The following TNFSF8 variants were observed in gnomAD, a reference collection of about 807,000 sequenced individuals.
TNFSF8 encodes TNF superfamily member 8.
Under a neutral mutation model 22.0 loss-of-function variants are expected in TNFSF8, and 4 were observed. The ratio of observed to expected loss-of-function variants is 0.18; its 90% CI spans 0.09 to 0.42. TNFSF8 has a LOEUF of 0.42. Ranked by LOEUF, TNFSF8 falls within the 10% of genes least tolerant of loss-of-function variation. TNFSF8 has a pLI of 1.00. For missense variants in TNFSF8, 233 were observed against 281.8 expected (o/e 0.83, Z 1.24); for synonymous variants, 106 against 112.5 (o/e 0.94, Z 0.37).
chr9:114,930,576 C>T lies in TNFSF8; in HGVS notation c.-273G>A, dbSNP rs1828129552. The T allele has an allele frequency of 2.2e-5, 7 of 314,814 alleles. No homozygotes were observed. Among genetic ancestry groups the T allele is most frequent in the East Asian group, 1.1e-4 (2 of 18,440 alleles). The allele number at this position is 314,814 out of a possible 1,614,324, so 19.5% of individuals were successfully genotyped here. ...AGAGAAGGTGGCTGATGTCAGAGGG[C>T]GCGTAGGAAAATGACGGTTCCCCGA... On this transcript the variant is annotated 5_prime_UTR_variant, in exon 1 of 4. Transcript: ENST00000223795.
chr9:114,901,880 T>C lies in TNFSF8; in HGVS notation c.*2051A>G, dbSNP rs1022490612. 4 of 957,404 alleles carry C rather than the reference T, an allele frequency of 4.2e-6. No homozygotes were observed. In the African/African-American group the frequency reaches 7.1e-5, roughly 17 times the overall value. The allele number at this position is 957,404 out of a possible 1,614,324, so 59.3% of individuals were successfully genotyped here. Reference sequence around the variant, plus strand: ...AATTTTCCCTTAGCCATTTTTGTTCTCTCAAGTCCCTTTCATCCATACCAC... The same window carrying C: ...AATTTTCCCTTAGCCATTTTTGTTCCCTCAAGTCCCTTTCATCCATACCAC... On this transcript the variant is annotated 3_prime_UTR_variant, in exon 4 of 4. Coordinates refer to ENST00000223795, the MANE Select transcript of TNFSF8 (RefSeq NM_001244.4).
intron 2 of TNFSF8, among the ~76,000 whole-genome samples, chr9:114,913,976 G>C (rs1010669073): frequency 6.6e-6 from 1 of 152,190 alleles, no homozygotes; most frequent in African/African-American, 2.4e-5. Context: ...GCTATCATTT[G>C]GTGGGGTGAT....
At chr9:114,909,438 G>T (rs1827825790) in intron 2 of TNFSF8, among the ~76,000 whole-genome samples, 1 of 152,166 alleles carries the variant, frequency 6.6e-6, no homozygotes. Flanking sequence ...GATGACCTGG[G>T]AGTTAGAATC....
chr9:114,894,084 G>T (rs1409516853), exon 5 of TNFSF8: 1 of 1,534,920 alleles, frequency 6.5e-7, no homozygotes, highest in African/African-American at 1.4e-5. Context: ...AAGGTTCAGG[G>T]TTGTAGAGTT....
At position 114,904,454 on chromosome 9, in the gene TNFSF8, A is replaced by G. The variant is rs1827760059; in HGVS notation, c.311-129T>C. 12 of 1,319,574 alleles carry G rather than the reference A, an allele frequency of 9.1e-6. No individual in the cohort carries two copies. The South Asian group carries it at 1.5e-4, about 16-fold the overall frequency. 81.7% of individuals were successfully genotyped at this position (1,319,574 alleles called of 1,614,324 possible). ...TCTGTAATGTTCCAATCATCTGAAT[A>G]TCTTCCATGTTACTCCCTCTAGAGT... On this transcript the variant is annotated intron_variant, in intron 3 of 3. Coordinates refer to ENST00000223795, the MANE Select transcript of TNFSF8 (RefSeq NM_001244.4).
At chr9:114,907,842 A>C (rs1483520461) in intron 2 of TNFSF8, among the ~76,000 whole-genome samples, 1 of 152,186 alleles carries the variant, frequency 6.6e-6, no homozygotes, top group Non-Finnish European at 1.5e-5. Context: ...TCTATCTTGT[A>C]CATAAGGAAA....
chr9:114,926,911 A>G (rs1418841555), intron 1 of TNFSF8, among the ~76,000 whole-genome samples: 1 of 147,996 alleles, frequency 6.8e-6, no homozygotes, highest in Non-Finnish European at 1.5e-5. Flanking sequence ...AGTATTTCCT[A>G]ATATAAATAT....
chr9:114,924,541 C>T (rs2131350266), intron 1 of TNFSF8, among the ~76,000 whole-genome samples: 1 of 152,120 alleles, frequency 6.6e-6, no homozygotes, highest in Non-Finnish European at 1.5e-5. Context: ...CTTTCATATC[C>T]TTATATAGAG....
chr9:114,905,986 GAGACAATT>G, intron 2 of TNFSF8, 87 bp from the exon 3 acceptor site: 1 of 860,654 alleles, frequency 1.2e-6, no homozygotes, highest in Non-Finnish European at 2.0e-6. Flanking sequence ...CACTTTGATG[GAGACAATT>G]ACCGTTCTGT....
intron 1 of TNFSF8, among the ~76,000 whole-genome samples, chr9:114,923,522 C>CTTTT (rs1554778310): frequency 2.2e-5 from 2 of 89,770 alleles, no homozygotes; most frequent in African/African-American, 4.7e-5. Flanking sequence ...TTCTTTCTTT[C>CTTTT]TTTTTTTTTT....
chr9:114,929,995 T>G, intron 1 of TNFSF8, 114 bp downstream of exon 1: 1 of 625,248 alleles, frequency 1.6e-6, no homozygotes, highest in Admixed American at 3.1e-5. Context: ...GAGAGTTTAT[T>G]TATTTAATTT....
In TNFSF8 at chr9:114,903,687, C is replaced by T; in HGVS notation, c.*244G>A. On this transcript the variant is annotated 3_prime_UTR_variant, in exon 4 of 4. Transcript: ENST00000223795. ...GGACATCCATTCATCCCTTCTGATT[C>T]TGTGTGGGGCTCTGCCCACCACACT... is the stretch of plus-strand genomic sequence containing the variant. 1 of 1,199,920 alleles carries T rather than the reference C, an allele frequency of 8.3e-7. No homozygotes were observed. Among genetic ancestry groups the T allele is most frequent in the Non-Finnish European group, 1.0e-6 (1 of 965,560 alleles). 74.3% of individuals were successfully genotyped at this position (1,199,920 alleles called of 1,614,324 possible).
rs547036436 is a variant in TNFSF8 at position 114,903,730 on chromosome 9, G to A, written c.*201C>T. The A allele has an allele frequency of 7.5e-7, 1 of 1,330,180 alleles. No homozygotes were observed. Among genetic ancestry groups the A allele is most frequent in the Admixed American group, 3.6e-5 (1 of 27,732 alleles). The allele number at this position is 1,330,180 out of a possible 1,614,324, so 82.4% of individuals were successfully genotyped here. On this transcript the variant is annotated 3_prime_UTR_variant, in exon 4 of 4. Coordinates refer to ENST00000223795, the MANE Select transcript of TNFSF8 (RefSeq NM_001244.4). ...ACCACACTACATTGCTTCCCTGCCT[G>A]CTATCTGAAAGATACTTCACTAAAA...
intron 2 of TNFSF8, among the ~76,000 whole-genome samples, chr9:114,908,298 T>C (rs1215144687): frequency 6.6e-6 from 1 of 152,200 alleles, no homozygotes; most frequent in Non-Finnish European, 1.5e-5. Context: ...AGTAAGTACT[T>C]AGGACAACAG....
chr9:114,895,843 G>A (rs1827650457), intron 4 of TNFSF8, among the ~76,000 whole-genome samples: 1 of 152,168 alleles, frequency 6.6e-6, no homozygotes, highest in South Asian at 2.1e-4. Flanking sequence ...CTTGGCTATA[G>A]GGAAAGTACA....
intron 1 of TNFSF8, among the ~76,000 whole-genome samples, chr9:114,920,368 C>G (rs543405331): frequency 6.6e-5 from 10 of 152,136 alleles, no homozygotes; most frequent in African/African-American, 2.4e-4. Flanking sequence ...GCTAGCAGTT[C>G]GGGAAGTCCT....
At chr9:114,918,188 A>G (rs1587937628) in intron 1 of TNFSF8, 50 bp from the exon 2 acceptor site, 1 of 1,556,056 alleles carries the variant, frequency 6.4e-7, no homozygotes, top group African/African-American at 1.4e-5. Context: ...ATTCAGTTGA[A>G]ACAACTTTTT....
intron 2 of TNFSF8, among the ~76,000 whole-genome samples, chr9:114,915,860 G>A (rs562108781): frequency 1.2e-4 from 19 of 152,272 alleles, no homozygotes; most frequent in African/African-American, 4.3e-4. Flanking sequence ...TACACCAACC[G>A]AATATTATTA....
Position 114,904,254 on chromosome 9 carries a change from C to T in TNFSF8, c.382G>A (p.Asp128Asn). The part of the protein sequence containing the change: ...DGILHGVRYQ[D>N]GNLVIQFPGL... ...GGGAATTGGATCACCAGATTCCCATCCTGATATCTGACTCCATGGAGAATG... is the reference window on the plus strand; with the variant it reads ...GGGAATTGGATCACCAGATTCCCATTCTGATATCTGACTCCATGGAGAATG... The change falls in exon 4 of 4, where the codon GAT becomes AAT. Residue 128 changes from aspartate to asparagine, a missense_variant. Coordinates refer to ENST00000223795, the MANE Select transcript of TNFSF8 (RefSeq NM_001244.4). The T allele has an allele frequency of 6.2e-7, 1 of 1,614,080 alleles. No individual in the cohort carries two copies. Among genetic ancestry groups the T allele is most frequent in the Non-Finnish European group, 8.5e-7 (1 of 1,179,974 alleles).
Sources: gnomAD v4.1 joint callset for allele counts (sites outside exome capture counted in the v4.1 genomes callset) on GRCh38, gnomAD v4.1.1 for gene constraint, MANE v1.5 for transcripts, NCBI Gene and HGNC (gene_info 2026-07-23, HGNC 2026-07-21) for gene names.